AMPH: variants seen among roughly 807,000 people sequenced by gnomAD.
The protein encoded by AMPH is amphiphysin (Stiff-Mann syndrome with breast cancer 128kD autoantigen).
In AMPH, 49 loss-of-function variants were observed where a neutral mutation model predicts 99.1. The ratio of observed to expected loss-of-function variants is 0.49; its 90% CI spans 0.39 to 0.63. The LOEUF is 0.63. Among genes scored for constraint, AMPH ranks in the 20% least tolerant of loss-of-function variants. AMPH has a pLI of 0.00. For synonymous variants in AMPH, 314 were observed against 317.3 expected (o/e 0.99, Z 0.11); for missense variants, 759 against 863.4 (o/e 0.88, Z 1.52).
intron 11 of AMPH, among the ~76,000 whole-genome samples, chr7:38,437,639 A>AAAAAAAGAAAAGAAAAG: frequency 1.0e-5 from 1 of 96,728 alleles, no homozygotes. Context: ...AAAAAAAAAA[A>AAAAAAAGAAAAGAAAAG]AAAAGAAAAG....
intron 2 of AMPH, among the ~76,000 whole-genome samples, chr7:38,520,817 T>TA (rs1222044356): frequency 6.6e-6 from 1 of 152,200 alleles, no homozygotes; most frequent in Admixed American, 6.5e-5. Flanking sequence ...GAAAAGAGTT[T>TA]GAAAGCCAGC....
At position 38,384,202 on chromosome 7, in the gene AMPH, G is replaced by A. The variant is rs1351445694; in HGVS notation, c.*616C>T. ...CAATGCATGTATCAATGACAATTGA[G>A]AGGCAAAGAGCTACAATGGAAAGGA... is the stretch of plus-strand genomic sequence containing the variant. On this transcript the variant is annotated 3_prime_UTR_variant, in exon 21 of 21. Coordinates refer to ENST00000356264, the MANE Select transcript of AMPH (RefSeq NM_001635.4). The A allele has an allele frequency of 1.3e-5, 2 of 152,582 alleles. No homozygotes were observed. Among genetic ancestry groups the A allele is most frequent in the Non-Finnish European group, 2.9e-5 (2 of 68,310 alleles). The allele number at this position is 152,582 out of a possible 1,614,324, so 9.5% of individuals were successfully genotyped here.
chr7:38,404,877 T>A (rs1228361297), intron 17 of AMPH, among the ~76,000 whole-genome samples: 2 of 152,132 alleles, frequency 1.3e-5, no homozygotes, highest in Non-Finnish European at 2.9e-5. Context: ...AGGTACTATA[T>A]GAGATTAACA....
chr7:38,516,320 C>A (rs1299197923), intron 2 of AMPH, among the ~76,000 whole-genome samples: 2 of 152,186 alleles, frequency 1.3e-5, no homozygotes, highest in African/African-American at 4.8e-5. Context: ...CTGCCCTGAG[C>A]AGCCTCGGGA....
intron 1 of AMPH, among the ~76,000 whole-genome samples, chr7:38,591,290 C>CTTTTTTTT (rs67135369): frequency 1.4e-5 from 2 of 138,746 alleles, no homozygotes; most frequent in African/African-American, 2.7e-5. Flanking sequence ...TTTTCTTTTT[C>CTTTTTTTT]TTTTTTTTTT....
At chr7:38,567,525 T>G (rs1225616925) in intron 1 of AMPH, among the ~76,000 whole-genome samples, 2 of 151,638 alleles carry the variant, frequency 1.3e-5, no homozygotes, top group Non-Finnish European at 2.9e-5. Context: ...ACCCTAGAAC[T>G]TAAAGTATAA....
At chr7:38,476,782 A>C in intron 6 of AMPH, 80 bp downstream of exon 6, 1 of 929,054 alleles carries the variant, frequency 1.1e-6, no homozygotes, top group South Asian at 1.4e-5. Context: ...TTTATAGAGG[A>C]GGCATTTAAT....
chr7:38,555,935 G>A (rs1196485915), intron 1 of AMPH, among the ~76,000 whole-genome samples: 1 of 152,010 alleles, frequency 6.6e-6, no homozygotes, highest in Non-Finnish European at 1.5e-5. Context: ...CATAAAGATG[G>A]CAACAACAGA....
chr7:38,540,191 A>G (rs75825393), intron 1 of AMPH, among the ~76,000 whole-genome samples: 4,659 of 152,310 alleles, frequency 0.031, 261 homozygotes, highest in African/African-American at 0.11. Context: ...TTGGTTTAAG[A>G]CTTGAATCTT....
chr7:38,576,008 G>C (rs908497262), intron 1 of AMPH, among the ~76,000 whole-genome samples: 2 of 152,148 alleles, frequency 1.3e-5, no homozygotes, highest in African/African-American at 4.8e-5. Context: ...CTCTTAAAAG[G>C]AGCCTTCGAA....
intron 11 of AMPH, among the ~76,000 whole-genome samples, chr7:38,445,698 A>G (rs181300051): frequency 3.2e-4 from 48 of 152,184 alleles, no homozygotes; most frequent in South Asian, 2.9e-3. Flanking sequence ...ATCAAAATGA[A>G]ATACCACTAT....
intron 2 of AMPH, among the ~76,000 whole-genome samples, chr7:38,510,504 T>C (rs1789495929): frequency 1.3e-5 from 2 of 152,224 alleles, no homozygotes; most frequent in Non-Finnish European, 2.9e-5. Context: ...GTGGCCACTT[T>C]GATCCAGGCA....
chr7:38,588,819 G>T (rs937804959), intron 1 of AMPH, among the ~76,000 whole-genome samples: 1 of 151,994 alleles, frequency 6.6e-6, no homozygotes, highest in African/African-American at 2.4e-5. Flanking sequence ...AAGAAGACTT[G>T]TAATACTAAC....
intron 19 of AMPH, among the ~76,000 whole-genome samples, chr7:38,390,541 CA>C (rs1290732634): frequency 6.6e-6 from 1 of 152,164 alleles, no homozygotes; most frequent in East Asian, 1.9e-4. Flanking sequence ...TTATTTTTCC[CA>C]CCTTTCCCTC....
At chr7:38,507,892 T>G (rs1489767013) in intron 2 of AMPH, among the ~76,000 whole-genome samples, 1 of 152,200 alleles carries the variant, frequency 6.6e-6, no homozygotes, top group Non-Finnish European at 1.5e-5. Flanking sequence ...TTAGAGAAGA[T>G]CCAACTGCAT....
intron 1 of AMPH, among the ~76,000 whole-genome samples, chr7:38,614,598 T>C (rs1255226028): frequency 6.6e-6 from 1 of 152,204 alleles, no homozygotes; most frequent in Non-Finnish European, 1.5e-5. Context: ...AGGTCATATT[T>C]GGAGGCACAT....
chr7:38,518,919 T>C (rs182445149), intron 2 of AMPH, among the ~76,000 whole-genome samples: 8 of 152,348 alleles, frequency 5.3e-5, no homozygotes, highest in East Asian at 1.9e-4. Flanking sequence ...TTAATTACCA[T>C]TGCAACAGTG....
At chr7:38,558,431 A>G (rs1043359618) in intron 1 of AMPH, among the ~76,000 whole-genome samples, 1 of 152,202 alleles carries the variant, frequency 6.6e-6, no homozygotes, top group Admixed American at 6.5e-5. Flanking sequence ...CTGGTTTTAT[A>G]CTGCATCTTT....
At chr7:38,441,458 T>A (rs1465436176) in intron 11 of AMPH, among the ~76,000 whole-genome samples, 2 of 152,106 alleles carry the variant, frequency 1.3e-5, no homozygotes, top group Non-Finnish European at 2.9e-5. Context: ...TGTAACATGA[T>A]AAGCAGTATT....
Sources: gnomAD v4.1 joint callset for allele counts (sites outside exome capture counted in the v4.1 genomes callset) on GRCh38, gnomAD v4.1.1 for gene constraint, MANE v1.5 for transcripts, NCBI Gene and HGNC (gene_info 2026-07-23, HGNC 2026-07-21) for gene names.